DTNB: variants seen among roughly 807,000 people sequenced by gnomAD.
DTNB encodes DTN-B.
Under a neutral mutation model 90.7 loss-of-function variants are expected in DTNB, and 63 were observed. The ratio of observed to expected loss-of-function variants is 0.69; its 90% CI spans 0.57 to 0.86. The LOEUF (loss-of-function observed/expected upper bound fraction) is 0.86, where lower values mean the gene tolerates loss of function less well. DTNB is among the 40% of genes least tolerant of loss of function. The pLI is 0.00. For missense variants in DTNB, 744 were observed against 807.1 expected (o/e 0.92, Z 0.95); for synonymous variants, 277 against 286.7 (o/e 0.97, Z 0.34).
chr2:25,443,354 C>T (rs1403427800), intron 12 of DTNB, among the ~76,000 whole-genome samples: 1 of 152,202 alleles, frequency 6.6e-6, no homozygotes, highest in African/African-American at 2.4e-5. Flanking sequence ...ACTCACAGAG[C>T]TCCATCATCT....
chr2:25,658,507 G>T (rs1447522363), intron 1 of DTNB, among the ~76,000 whole-genome samples: 1 of 152,170 alleles, frequency 6.6e-6, no homozygotes, highest in Non-Finnish European at 1.5e-5. Flanking sequence ...CCAAAAGCTG[G>T]AAGCAATGAT....
chr2:25,555,246 G>A (rs1239485544), intron 8 of DTNB, among the ~76,000 whole-genome samples: 6 of 148,694 alleles, frequency 4.0e-5, no homozygotes, highest in African/African-American at 1.0e-4. Flanking sequence ...AACGAAGATC[G>A]GGCCACTGCA....
At chr2:25,600,013 G>A (rs1430841838) in intron 5 of DTNB, among the ~76,000 whole-genome samples, 1 of 152,172 alleles carries the variant, frequency 6.6e-6, no homozygotes, top group South Asian at 2.1e-4. Context: ...GGGGAGGACC[G>A]CTTGAGTGCA....
chr2:25,477,336 C>T (rs1189702568), intron 10 of DTNB, among the ~76,000 whole-genome samples: 17 of 151,988 alleles, frequency 1.1e-4, no homozygotes, highest in Admixed American at 6.5e-5. Context: ...CTGAGGTATG[C>T]GTGTACTATT....
intron 9 of DTNB, among the ~76,000 whole-genome samples, chr2:25,506,297 A>G (rs974599947): frequency 3.3e-5 from 5 of 152,208 alleles, no homozygotes; most frequent in African/African-American, 1.2e-4. Flanking sequence ...AGAACTTGAA[A>G]TGTTCCCAAC....
At chr2:25,490,055 C>T (rs1022788309) in intron 9 of DTNB, among the ~76,000 whole-genome samples, 8 of 152,188 alleles carry the variant, frequency 5.3e-5, no homozygotes, top group African/African-American at 1.7e-4. Context: ...GCAGGAGGAT[C>T]GCTTGAGCCC....
chr2:25,443,615 C>T (rs2057921600), intron 12 of DTNB, among the ~76,000 whole-genome samples: 1 of 152,206 alleles, frequency 6.6e-6, no homozygotes, highest in African/African-American at 2.4e-5. Flanking sequence ...GCCTGCCCAT[C>T]ACCTAAGCTG....
At chr2:25,554,146 GA>G (rs1559006641) in intron 8 of DTNB, among the ~76,000 whole-genome samples, 2 of 152,152 alleles carry the variant, frequency 1.3e-5, no homozygotes, top group African/African-American at 4.8e-5. Context: ...TGTGTATAGG[GA>G]AAAACAAAGC....
chr2:25,555,724 G>C (rs761669682), intron 8 of DTNB, among the ~76,000 whole-genome samples: 1 of 152,040 alleles, frequency 6.6e-6, no homozygotes, highest in Non-Finnish European at 1.5e-5. Flanking sequence ...ATATGAAATA[G>C]ATCTTTCCTG....
At position 25,595,995 on chromosome 2, in the gene DTNB, C is replaced by T; in HGVS notation, c.603+91G>A. On this transcript the variant is annotated intron_variant, in intron 6 of 20. Coordinates refer to ENST00000406818, the MANE Select transcript of DTNB (RefSeq NM_021907.5). ...TTTTCCTCCCCTACTCAAGACCTTACTAGACTGGAAGCAATCTGGCAAAAT... is the reference window on the plus strand; with the variant it reads ...TTTTCCTCCCCTACTCAAGACCTTATTAGACTGGAAGCAATCTGGCAAAAT... 4 of 1,174,142 alleles carry T rather than the reference C, an allele frequency of 3.4e-6. 1 individual carries two copies. In the South Asian group the frequency reaches 9.1e-5, roughly 27 times the overall value. The allele number at this position is 1,174,142 out of a possible 1,614,324, so 72.7% of individuals were successfully genotyped here.
intron 5 of DTNB, among the ~76,000 whole-genome samples, chr2:25,597,230 C>T (rs2064832878): frequency 6.6e-6 from 1 of 151,862 alleles, no homozygotes. Context: ...ACTTGGGAGG[C>T]TGGGGTGGGA....
At chr2:25,401,937 T>C (rs1455021082) in intron 16 of DTNB, among the ~76,000 whole-genome samples, 2 of 152,218 alleles carry the variant, frequency 1.3e-5, no homozygotes, top group East Asian at 1.9e-4. Flanking sequence ...CAAAGTGGTC[T>C]CTTTGCTGCC....
intron 8 of DTNB, among the ~76,000 whole-genome samples, chr2:25,556,866 GC>G (rs775409976): frequency 6.6e-5 from 10 of 152,194 alleles, no homozygotes; most frequent in South Asian, 2.1e-4. Flanking sequence ...AGTGTATTAG[GC>G]AACTGCAAAT....
At chr2:25,437,788 AAC>A (rs2056330211) in intron 12 of DTNB, among the ~76,000 whole-genome samples, 1 of 152,220 alleles carries the variant, frequency 6.6e-6, no homozygotes, top group African/African-American at 2.4e-5. Context: ...ACATTTATTC[AAC>A]AGATACTTCC....
Position 25,462,897 on chromosome 2 carries a change from G to T in DTNB, c.1080-7403C>A, listed in dbSNP as rs569841833. Among the ~76,000 whole-genome samples, 16 of 152,198 alleles carry T rather than the reference G, an allele frequency of 1.1e-4. 1 individual carries two copies. The East Asian group carries it at 1.7e-3, about 17-fold the overall frequency. On this transcript the variant is annotated intron_variant, in intron 10 of 20. Transcript: ENST00000406818. ...TTTTTGTATTTTTAGTAGAGACGGG[G>T]TTTCACCATTTTAGCCGGGATGGTC...
chr2:25,440,732 T>C (rs1464490470), intron 12 of DTNB, among the ~76,000 whole-genome samples: 1 of 152,250 alleles, frequency 6.6e-6, no homozygotes, highest in Non-Finnish European at 1.5e-5. Context: ...TATTTCCATA[T>C]ACTCAAACTA....
At chr2:25,482,108 T>C (rs894250358) in intron 10 of DTNB, among the ~76,000 whole-genome samples, 4 of 152,362 alleles carry the variant, frequency 2.6e-5, no homozygotes, top group Non-Finnish European at 1.5e-5. Flanking sequence ...AATTCTTTAA[T>C]GGCCATGCCC....
At chr2:25,485,012 C>A (rs1015089976) in intron 9 of DTNB, among the ~76,000 whole-genome samples, 12 of 152,092 alleles carry the variant, frequency 7.9e-5, no homozygotes, top group Non-Finnish European at 1.6e-4. Context: ...GGAGACAATC[C>A]CTATGAAAGA....
Position 25,628,312 on chromosome 2 carries a change from G to A in DTNB, c.221C>T (p.Thr74Ile), listed in dbSNP as rs754077906. ...TTCGAGGCGGGACACACTGATCTCG[G>A]TGGTATGGTCCAGTGTATTAAGGCC... ...DNGLNTLDHT[T>I]EISVSRLETV... Residue 74 changes from threonine to isoleucine, a missense_variant, in exon 4 of 21, where the codon ACC becomes ATC. Thr to Ile is a moderately conservative substitution (Grantham distance 89). Coordinates refer to ENST00000406818, the MANE Select transcript of DTNB (RefSeq NM_021907.5). 33 of 1,613,622 alleles carry A rather than the reference G, an allele frequency of 2.0e-5. No individual in the cohort carries two copies. In the Middle Eastern group the frequency reaches 6.6e-4, roughly 32 times the overall value.
Sources: gnomAD v4.1 joint callset for allele counts (sites outside exome capture counted in the v4.1 genomes callset) on GRCh38, gnomAD v4.1.1 for gene constraint, MANE v1.5 for transcripts, NCBI Gene and HGNC (gene_info 2026-07-23, HGNC 2026-07-21) for gene names.